Variants in CD300A observed in about 807,000 individuals in gnomAD.
The protein encoded by CD300A is CD300a molecule.
A neutral mutation model predicts 33.6 loss-of-function variants in CD300A; 22 were observed. The observed-to-expected ratio is 0.66, with a 90% CI of 0.47 to 0.94. The LOEUF is 0.94. Among genes scored for constraint, CD300A ranks in the 40% least tolerant of loss-of-function variants. The pLI is 0.00. For missense variants in CD300A, 326 were observed against 360.5 expected, an observed-to-expected ratio of 0.90 and a Z score of 0.77; for synonymous variants, 136 against 148.1, an observed-to-expected ratio of 0.92 and a Z score of 0.59.
intron 5 of CD300A, 114 bp downstream of exon 5, chr17:74,481,440 C>A: frequency 1.0e-6 from 1 of 958,340 alleles, no homozygotes; most frequent in Non-Finnish European, 1.7e-6. Context: ...GGGGAGCTCA[C>A]CCAGAGCAGG....
At position 74,480,507 on chromosome 17, in the gene CD300A, G is replaced by C. The variant is rs1243455587; in HGVS notation, c.629-782G>C. ...GAGCTGGCGTCCCTGGGGCTGACAG[G>C]CCTCCTTCCCTACGGCCTGGGGCAG... is the stretch of plus-strand genomic sequence containing the variant. On this transcript the variant is annotated intron_variant, in intron 4 of 6. Transcript: ENST00000360141. This position sits in a 1 kb window ranked among gnomAD's most constrained non-coding sequence, Gnocchi z 4.2. 1.3e-5 allele frequency among the ~76,000 whole-genome samples: 2 copies of C among 152,148 alleles called. No homozygotes were observed. Among genetic ancestry groups the C allele is most frequent in the Non-Finnish European group, 2.9e-5 (2 of 68,018 alleles).
chr17:74,483,564 C>T (rs111443162), intron 6 of CD300A, among the ~76,000 whole-genome samples: 6,345 of 152,178 alleles, frequency 0.042, 194 homozygotes, highest in African/African-American at 0.094. Context: ...ACTATGTTAC[C>T]CAGGCTGGTC....
rs1906261604 is a variant in CD300A at position 74,473,693 on chromosome 17, G to T, written c.198G>T (p.Gly66=). 3 of 1,614,238 alleles carry T rather than the reference G, an allele frequency of 1.9e-6. No homozygotes were observed. Among genetic ancestry groups the T allele is most frequent in the Middle Eastern group, 3.3e-4 (2 of 6,062 alleles). The change falls in exon 2 of 7, where the codon GGG becomes GGT. Residue 66 remains glycine, a synonymous_variant. Transcript: ENST00000360141. ...GTGACAAGATTGTGGAGACCAAAGG[G>T]TCAGCAGGAAAAAGGAACGGCCGAG... ...FLCDKIVETK[G]SAGKRNGRVS...
At chr17:74,467,055 A>G in intron 1 of CD300A, 1 of 1,196,050 alleles carries the variant, frequency 8.4e-7, no homozygotes, top group Non-Finnish European at 1.1e-6. Flanking sequence ...GGGGGACGAG[A>G]GGCAGGATGT....
chr17:74,469,801 G>T (rs895796614), intron 1 of CD300A: 14 of 275,612 alleles, frequency 5.1e-5, no homozygotes, highest in Non-Finnish European at 7.2e-5. Flanking sequence ...CTCTGGCCTG[G>T]GCGACAAGAG....
chr17:74,477,464 T>C lies in CD300A; in HGVS notation c.562T>C (p.Leu188=). The stretch of plus-strand genomic sequence containing the variant: ...CCCGCTGCTCCTCTCCCTGCTGGCA[T>C]TGTTGCTGCTTCTGTTGGTGGGGGC... The part of the protein sequence containing the change: ...QLPLLLSLLA[L]LLLLLVGASL... Residue 188 remains leucine (L), a synonymous_variant, in exon 4 of 7, where the codon TTG becomes CTG. Transcript: ENST00000360141. The C allele has an allele frequency of 6.2e-7, 1 of 1,613,708 alleles. No homozygotes were observed. The highest frequency in any genetic ancestry group is 8.5e-7 in the Non-Finnish European group (1 of 1,179,844).
intron 3 of CD300A, among the ~76,000 whole-genome samples, chr17:74,476,785 T>C (rs914629670): frequency 2.0e-5 from 3 of 152,198 alleles, no homozygotes; most frequent in Admixed American, 6.5e-5. Context: ...CCTGCAGCTA[T>C]AGGAAAGAGT....
intron 1 of CD300A, chr17:74,470,207 G>A: frequency 1.0e-6 from 1 of 985,456 alleles, no homozygotes; most frequent in Non-Finnish European, 1.2e-6. Context: ...AGAAACACAA[G>A]CCTGGGAGCA....
At chr17:74,470,646 C>A (rs1446008929) in intron 1 of CD300A, among the ~76,000 whole-genome samples, 1 of 144,722 alleles carries the variant, frequency 6.9e-6, no homozygotes, top group Non-Finnish European at 1.5e-5. Context: ...TGGGAACTGA[C>A]AGTTTTTATT....
Position 74,484,005 on chromosome 17 carries a change from C to G in CD300A, c.779C>G (p.Ser260Cys). 1 of 1,613,726 alleles carries G rather than the reference C, an allele frequency of 6.2e-7. No homozygotes were observed. The highest frequency in any genetic ancestry group is 8.5e-7 in the Non-Finnish European group (1 of 1,179,752). ...EVEVEYSTVASPREELHYASV... is the reference protein window; with the variant it reads ...EVEVEYSTVACPREELHYASV... ...TTTCTTGGTTTCTCTCTGCAGGCCT[C>G]CCCCAGGGAAGAACTTCACTATGCC... The change falls in exon 7 of 7, where the codon TCC (serine) becomes TGC (cysteine). Residue 260 changes from serine to cysteine, a missense_variant. Ser to Cys is a moderately radical substitution (Grantham distance 112). Transcript: ENST00000360141.
intron 5 of CD300A, 59 bp from the exon 6 acceptor site, chr17:74,481,667 G>T: frequency 4.0e-6 from 5 of 1,238,794 alleles, no homozygotes; most frequent in East Asian, 2.4e-5. Flanking sequence ...ATGCAGAGAC[G>T]CAGGGACAGA....
At chr17:74,478,564 G>A (rs542631125) in intron 4 of CD300A, among the ~76,000 whole-genome samples, 3 of 152,354 alleles carry the variant, frequency 2.0e-5, no homozygotes, top group African/African-American at 7.2e-5. Flanking sequence ...AAGTGGAGGT[G>A]TGGCCACCAG....
intron 6 of CD300A, among the ~76,000 whole-genome samples, chr17:74,482,394 A>G (rs1906918744): frequency 6.6e-6 from 1 of 151,728 alleles, no homozygotes; most frequent in African/African-American, 2.4e-5. Context: ...GGAGCTGAAG[A>G]GGCCCCTCAG....
intron 2 of CD300A, 30 bp from the exon 3 acceptor site, chr17:74,474,502 C>T: frequency 6.2e-7 from 1 of 1,610,998 alleles, no homozygotes; most frequent in East Asian, 2.2e-5. Flanking sequence ...AGGACAGCTC[C>T]CTGGGTCTGA....
intron 6 of CD300A, among the ~76,000 whole-genome samples, chr17:74,483,209 A>T (rs1389325989): frequency 6.6e-6 from 1 of 152,106 alleles, no homozygotes; most frequent in Non-Finnish European, 1.5e-5. Context: ...ACTCATGCCC[A>T]CAGTACAGCA....
At chr17:74,481,891 CT>C (rs55682471) in intron 6 of CD300A, 58 bp downstream of exon 6, 209,672 of 1,345,170 alleles carry the variant, frequency 0.16, 22,669 homozygotes, top group African/African-American at 0.54. Context: ...CAGGGCACCC[CT>C]GGGAGGGTGG....
Position 74,474,583 on chromosome 17 carries a change from T to C in CD300A, c.431T>C (p.Ile144Thr). 1 of 1,614,098 alleles carries C rather than the reference T, an allele frequency of 6.2e-7. No homozygotes were observed. Among genetic ancestry groups the C allele is most frequent in the African/African-American group, 1.3e-5 (1 of 75,032 alleles). ...ATCACTGCGGCCAAGACCTCAACAA[T>C]CACAACTGCATTTCCACCTGTATCA... ...ASITAAKTST[I>T]TTAFPPVSST... The change falls in exon 3 of 7, where the codon ATC becomes ACC. Residue 144 changes from isoleucine to threonine, a missense_variant. Coordinates refer to ENST00000360141, the MANE Select transcript of CD300A (RefSeq NM_007261.4).
chr17:74,481,155 T>C (rs1906815986), intron 4 of CD300A, 134 bp from the exon 5 acceptor site: 1 of 697,476 alleles, frequency 1.4e-6, no homozygotes, highest in Non-Finnish European at 2.5e-6. Context: ...GTTCCTACCA[T>C]GCTTCAGGCC....
At chr17:74,478,066 A>G (rs913073785) in intron 4 of CD300A, among the ~76,000 whole-genome samples, 4 of 152,086 alleles carry the variant, frequency 2.6e-5, no homozygotes, top group African/African-American at 9.7e-5. Flanking sequence ...CTGGAAACCA[A>G]CTTCTTGTAT....
Sources: allele counts gnomAD v4.1 joint callset (sites outside exome capture counted in the v4.1 genomes callset), GRCh38; gene constraint gnomAD v4.1.1; non-coding constraint Gnocchi (gnomAD v3.1); transcripts MANE v1.5; gene names NCBI Gene and HGNC (gene_info 2026-07-23, HGNC 2026-07-21).